The following B3GALT1 variants were observed in gnomAD, a reference collection of about 807,000 sequenced individuals.
The protein encoded by B3GALT1 is UDP-Gal:betaGlcNAc beta 1,3-galactosyltransferase, polypeptide 1.
In B3GALT1, 10 loss-of-function variants were observed where a neutral mutation model predicts 23.2. The observed-to-expected ratio is 0.43, with a 90% CI of 0.27 to 0.73. The LOEUF (loss-of-function observed/expected upper bound fraction) is 0.73. Ranked by LOEUF, B3GALT1 falls within the 30% of genes least tolerant of loss-of-function variation. The pLI, the probability that B3GALT1 is intolerant of heterozygous loss-of-function variation, is 0.21. For synonymous variants in B3GALT1, 156 were observed against 141.5 expected (o/e 1.10, Z -0.73); for missense variants, 299 against 405.4 (o/e 0.74, Z 2.25).
intron 3 of B3GALT1, among the ~76,000 whole-genome samples, chr2:167,817,091 A>G (rs116093679): frequency 1.3e-3 from 204 of 152,320 alleles, no homozygotes; most frequent in African/African-American, 4.6e-3. Flanking sequence ...TTTGTCTTCA[A>G]TTGAACAAAT....
intron 3 of B3GALT1, among the ~76,000 whole-genome samples, chr2:167,670,818 G>T (rs138748679): frequency 1.3e-5 from 2 of 152,178 alleles, no homozygotes; most frequent in African/African-American, 4.8e-5. Flanking sequence ...AAGAATTTGT[G>T]AACTCAAAGA....
At chr2:167,841,144 G>T (rs1055656726) in intron 4 of B3GALT1, among the ~76,000 whole-genome samples, 2 of 150,694 alleles carry the variant, frequency 1.3e-5, no homozygotes, top group African/African-American at 4.9e-5. Flanking sequence ...CCTGCACATT[G>T]TGCACATGTA....
At chr2:167,794,217 G>A (rs73971281) in intron 3 of B3GALT1, among the ~76,000 whole-genome samples, 1,847 of 152,226 alleles carry the variant, frequency 0.012, 45 homozygotes, top group African/African-American at 0.041. Flanking sequence ...TTTAACACTA[G>A]TCTGATTCAA....
chr2:167,667,666 C>G (rs1213540276), intron 3 of B3GALT1, among the ~76,000 whole-genome samples: 1 of 152,208 alleles, frequency 6.6e-6, no homozygotes, highest in Admixed American at 6.5e-5. Flanking sequence ...ATTCTTGTTT[C>G]TCTAAACTTC....
intron 2 of B3GALT1, among the ~76,000 whole-genome samples, chr2:167,616,381 A>C (rs991584120): frequency 3.3e-5 from 5 of 152,176 alleles, no homozygotes; most frequent in Middle Eastern, 3.4e-3. Context: ...GCGTGCGTGC[A>C]CATCTGTGTC....
intron 2 of B3GALT1, among the ~76,000 whole-genome samples, chr2:167,531,248 G>T (rs1255822867): frequency 6.6e-6 from 1 of 152,098 alleles, no homozygotes; most frequent in Non-Finnish European, 1.5e-5. Context: ...CTGGTGATGG[G>T]CATAAATCTC....
chr2:167,395,139 T>C (rs1193710358), intron 1 of B3GALT1, among the ~76,000 whole-genome samples: 1 of 152,084 alleles, frequency 6.6e-6, no homozygotes, highest in Non-Finnish European at 1.5e-5. Context: ...TTAAGATGGG[T>C]GAATGCATTT....
chr2:167,675,303 G>A (rs569176576), intron 3 of B3GALT1, among the ~76,000 whole-genome samples: 14 of 152,242 alleles, frequency 9.2e-5, no homozygotes, highest in Admixed American at 4.6e-4. Context: ...GGCTCTCAAC[G>A]CTGTCATACT....
chr2:167,521,091 T>A (rs1184289925), intron 2 of B3GALT1, among the ~76,000 whole-genome samples: 1 of 152,230 alleles, frequency 6.6e-6, no homozygotes, highest in Non-Finnish European at 1.5e-5. Context: ...TGCTGATTTC[T>A]TTGGAGCATT....
chr2:167,560,758 G>T (rs10186712), intron 2 of B3GALT1, among the ~76,000 whole-genome samples: 1 of 151,844 alleles, frequency 6.6e-6, no homozygotes, highest in South Asian at 2.1e-4. Context: ...AGAGCTAACT[G>T]TCCTAAATAT....
intron 3 of B3GALT1, among the ~76,000 whole-genome samples, chr2:167,808,930 G>A (rs1299445244): frequency 8.5e-5 from 13 of 152,150 alleles, no homozygotes; most frequent in Middle Eastern, 3.2e-3. Context: ...CCAATCAGAC[G>A]TAGATTTGGT....
rs1178640940 is a variant in B3GALT1 at position 167,408,798 on chromosome 2, C to CA, written c.-510-81364dup. Among the ~76,000 whole-genome samples the CA allele has an allele frequency of 3.2e-3, 34 of 10,754 alleles. 1 individual carries two copies. Among genetic ancestry groups the CA allele is most frequent in the East Asian group, 8.3e-3 (4 of 484 alleles). 7.1% of individuals were successfully genotyped at this position (10,754 alleles called of 152,430 possible). A position where few individuals can be genotyped will look rare whatever the true frequency, so the allele number is the denominator to read the frequency against. On this transcript the variant is annotated intron_variant, in intron 1 of 4. Coordinates refer to ENST00000392690, the MANE Select transcript of B3GALT1 (RefSeq NM_020981.4). ...CTAACCAAAGAAGTGAAGATGTATA[C>CA]AAAAAAAAAAAAAAACAAAAGACAA...
chr2:167,624,690 G>T (rs1188255995), intron 2 of B3GALT1, among the ~76,000 whole-genome samples: 2 of 151,976 alleles, frequency 1.3e-5, no homozygotes, highest in Non-Finnish European at 2.9e-5. Flanking sequence ...GATTTAAATA[G>T]GTGGGATTAG....
intron 3 of B3GALT1, among the ~76,000 whole-genome samples, chr2:167,743,909 A>G (rs1266665206): frequency 6.6e-6 from 1 of 152,128 alleles, no homozygotes; most frequent in Admixed American, 6.5e-5. Flanking sequence ...TTGATGGCTT[A>G]GCTACAAACA....
intron 1 of B3GALT1, among the ~76,000 whole-genome samples, chr2:167,373,481 T>C (rs1213178993): frequency 2.0e-5 from 3 of 151,696 alleles, no homozygotes; most frequent in East Asian, 3.9e-4. Context: ...TCAATACATA[T>C]ATCAAACAAA....
chr2:167,706,140 A>C (rs774989519), intron 3 of B3GALT1, among the ~76,000 whole-genome samples: 1 of 152,206 alleles, frequency 6.6e-6, no homozygotes, highest in Admixed American at 6.5e-5. Context: ...AAAGAGCACA[A>C]GATACAGAAA....
chr2:167,393,182 C>A (rs933191005), intron 1 of B3GALT1, among the ~76,000 whole-genome samples: 1 of 150,044 alleles, frequency 6.7e-6, no homozygotes, highest in South Asian at 2.1e-4. Flanking sequence ...TGCAGTGAGC[C>A]GAGATTGCGC....
intron 3 of B3GALT1, among the ~76,000 whole-genome samples, chr2:167,766,176 A>T (rs573685353): frequency 9.9e-5 from 15 of 152,196 alleles, no homozygotes; most frequent in African/African-American, 3.6e-4. Flanking sequence ...CAAAATACCA[A>T]TGGAAAATCA....
intron 2 of B3GALT1, among the ~76,000 whole-genome samples, chr2:167,548,675 C>CGT (rs1008859038): frequency 1.0e-5 from 1 of 99,844 alleles, no homozygotes; most frequent in Admixed American, 1.1e-4. Context: ...CCTGTCCAGA[C>CGT]GTGTGTGTGA....
Sources: gnomAD v4.1 joint callset for allele counts (sites outside exome capture counted in the v4.1 genomes callset) on GRCh38, gnomAD v4.1.1 for gene constraint, MANE v1.5 for transcripts, NCBI Gene and HGNC (gene_info 2026-07-23, HGNC 2026-07-21) for gene names.